The following RHOBTB1 variants were observed in gnomAD, a reference collection of about 807,000 sequenced individuals.
RHOBTB1 encodes the protein Rho related BTB domain containing 1.
RHOBTB1 carries 40 observed loss-of-function variants against 71.6 expected under a neutral mutation model. That is an observed-to-expected ratio of 0.56 (90% CI 0.43 to 0.73). The LOEUF is 0.73. Ranked by LOEUF, RHOBTB1 falls within the 30% of genes least tolerant of loss-of-function variation. RHOBTB1 has a pLI of 0.00. For missense variants in RHOBTB1, 797 were observed against 894.0 expected, an observed-to-expected ratio of 0.89 and a Z score of 1.38; for synonymous variants, 319 against 334.9, an observed-to-expected ratio of 0.95 and a Z score of 0.52.
chr10:60,946,070 T>A (rs2085219760), upstream of RHOBTB1, among the ~76,000 whole-genome samples: 1 of 151,884 alleles, frequency 6.6e-6, no homozygotes, highest in South Asian at 2.1e-4. Flanking sequence ...CCCAGCTACT[T>A]GGGAGACTGA....
intron 2 of RHOBTB1, among the ~76,000 whole-genome samples, chr10:60,956,308 G>C (rs185157728): frequency 6.6e-6 from 1 of 152,170 alleles, no homozygotes; most frequent in East Asian, 1.9e-4. Flanking sequence ...ACTAGGAATG[G>C]AACATGCAGG....
intron 2 of RHOBTB1, among the ~76,000 whole-genome samples, chr10:60,923,641 T>C (rs1221060198): frequency 1.3e-4 from 20 of 152,190 alleles, no homozygotes; most frequent in Non-Finnish European, 5.9e-5. Flanking sequence ...TGTGTCTCCA[T>C]CCAAATCTCA....
chr10:60,862,243 G>A, the RHOBTB1 span, among the ~76,000 whole-genome samples: 1 of 149,250 alleles, frequency 6.7e-6, no homozygotes, highest in Non-Finnish European at 1.5e-5. Flanking sequence ...TTTTACCCAG[G>A]CTGGACTGCA....
At chr10:60,977,212 G>A (rs1306906723) in intron 2 of RHOBTB1, among the ~76,000 whole-genome samples, 1 of 152,006 alleles carries the variant, frequency 6.6e-6, no homozygotes, top group Non-Finnish European at 1.5e-5. Flanking sequence ...TCAGTGCTTA[G>A]GGAGCATTTT....
intron 2 of RHOBTB1, among the ~76,000 whole-genome samples, chr10:60,953,048 T>G (rs1254314425): frequency 1.3e-5 from 2 of 152,056 alleles, no homozygotes; most frequent in Non-Finnish European, 2.9e-5. Flanking sequence ...GATACTACAG[T>G]GATTGTACCT....
At position 60,976,700 on chromosome 10, in the gene RHOBTB1, T is replaced by A. The variant is rs1339286425; in HGVS notation, c.-62+9145A>T. On this transcript the variant is annotated intron_variant, in intron 2 of 11. Coordinates refer to the RHOBTB1 transcript ENST00000357917. ...CATAATATGTTGTCTTATTGGTAGA[T>A]CTAATGTAATGGGTTTTATATTTCA... Among the ~76,000 whole-genome samples, 3 of 152,192 alleles carry A rather than the reference T, an allele frequency of 2.0e-5. No homozygotes were observed. In the East Asian group the frequency reaches 5.8e-4, roughly 29 times the overall value.
At chr10:60,887,797 A>T (rs932244791) in intron 6 of RHOBTB1, among the ~76,000 whole-genome samples, 1 of 152,186 alleles carries the variant, frequency 6.6e-6, no homozygotes, top group African/African-American at 2.4e-5. Context: ...TGGTCAGAGA[A>T]TAGATTCTGA....
intron 2 of RHOBTB1, among the ~76,000 whole-genome samples, chr10:60,984,923 A>C (rs908443552): frequency 1.3e-5 from 2 of 152,202 alleles, no homozygotes; most frequent in South Asian, 4.1e-4. Context: ...GCTAATAACA[A>C]AATGTTCATA....
chr10:60,939,124 T>C (rs1353233442), intron 2 of RHOBTB1, among the ~76,000 whole-genome samples: 1 of 152,338 alleles, frequency 6.6e-6, no homozygotes. Flanking sequence ...CCTATTGGCA[T>C]CGCTTTCTTT....
chr10:60,970,920 A>G (rs1397263815), intron 2 of RHOBTB1, among the ~76,000 whole-genome samples: 4 of 152,094 alleles, frequency 2.6e-5, no homozygotes, highest in African/African-American at 4.8e-5. Flanking sequence ...AGTATCAGAA[A>G]AAATGTCCCA....
intron 1 of RHOBTB1, among the ~76,000 whole-genome samples, chr10:60,995,287 G>A (rs1316595078): frequency 6.6e-6 from 1 of 152,100 alleles, no homozygotes. Context: ...AGGAAGGGAT[G>A]TTACTACTTT....
At chr10:60,886,539 C>G (rs1175023309) in intron 6 of RHOBTB1, among the ~76,000 whole-genome samples, 1 of 152,062 alleles carries the variant, frequency 6.6e-6, no homozygotes, top group African/African-American at 2.4e-5. Flanking sequence ...AACAGTGGAA[C>G]GAACAGTATG....
upstream of RHOBTB1, among the ~76,000 whole-genome samples, chr10:60,948,044 T>G (rs1194710892): frequency 1.3e-5 from 2 of 152,244 alleles, no homozygotes; most frequent in Non-Finnish European, 2.9e-5. Flanking sequence ...GTAGTGTTAC[T>G]TTGCATTCCC....
At chr10:60,879,805 C>T (rs145430876) in intron 7 of RHOBTB1, among the ~76,000 whole-genome samples, 61 of 151,942 alleles carry the variant, frequency 4.0e-4, no homozygotes, top group African/African-American at 1.1e-3. Context: ...TGCACACAAA[C>T]ACACACACAC....
At chr10:60,892,349 C>G (rs191549462) in intron 5 of RHOBTB1, among the ~76,000 whole-genome samples, 1 of 152,140 alleles carries the variant, frequency 6.6e-6, no homozygotes, top group African/African-American at 2.4e-5. Flanking sequence ...GAATGAAATA[C>G]TGTAACAGGT....
At chr10:60,999,043 C>T (rs7907851) in intron 1 of RHOBTB1, among the ~76,000 whole-genome samples, 1,711 of 152,280 alleles carry the variant, frequency 0.011, 22 homozygotes, top group African/African-American at 0.039. Flanking sequence ...TGGCACAGTG[C>T]CTAGTATATC....
chr10:60,949,664 CT>C (rs147906688), intron 2 of RHOBTB1, among the ~76,000 whole-genome samples: 5,409 of 108,604 alleles, frequency 0.05, 108 homozygotes, highest in African/African-American at 0.1. Flanking sequence ...CCAGGTGAAG[CT>C]TTTTTTTTTT....
At chr10:60,863,074 G>T in the RHOBTB1 span, among the ~76,000 whole-genome samples, 1 of 152,162 alleles carries the variant, frequency 6.6e-6, no homozygotes, top group Non-Finnish European at 1.5e-5. Flanking sequence ...CTGTGCATGT[G>T]TAGGGTGATG....
rs573156038 is a variant in RHOBTB1, at chr10:60,976,053, G to C, written c.-62+9792C>G. Among the ~76,000 whole-genome samples the C allele has an allele frequency of 6.6e-5, 10 of 151,984 alleles. No homozygotes were observed. In the South Asian group the frequency reaches 2.1e-3, roughly 32 times the overall value. Reference sequence around the variant, plus strand: ...TAGGTAAGGACAAGAAATTCTCAGGGGAAAATGATATATCCAATTTAGAAG... The same window carrying C: ...TAGGTAAGGACAAGAAATTCTCAGGCGAAAATGATATATCCAATTTAGAAG... On this transcript the variant is annotated intron_variant, in intron 2 of 11. Transcript: ENST00000357917.
Sources: allele counts gnomAD v4.1 joint callset (sites outside exome capture counted in the v4.1 genomes callset), GRCh38; gene constraint gnomAD v4.1.1; transcripts MANE v1.5; gene names NCBI Gene and HGNC (gene_info 2026-07-23, HGNC 2026-07-21).